The following MAP3K14 variants were observed in gnomAD, a reference collection of about 807,000 sequenced individuals.
MAP3K14 encodes mitogen-activated protein kinase kinase kinase 14.
A neutral mutation model predicts 99.2 loss-of-function variants in MAP3K14; 16 were observed. The ratio of observed to expected loss-of-function variants is 0.16; its 90% CI spans 0.11 to 0.24. The LOEUF (loss-of-function observed/expected upper bound fraction) is 0.24. MAP3K14 is among the 10% of genes least tolerant of loss of function. MAP3K14 has a pLI of 1.00. For synonymous variants in MAP3K14, 462 were observed against 492.4 expected (o/e 0.94, Z 0.82); for missense variants, 784 against 1,208.7 (o/e 0.65, Z 5.21).
At chr17:45,310,027 C>CTTTTT (rs59117060) in intron 1 of MAP3K14, among the ~76,000 whole-genome samples, 12 of 98,842 alleles carry the variant, frequency 1.2e-4, no homozygotes, top group South Asian at 3.4e-4. Context: ...AGGAGTCCAT[C>CTTTTT]TTTTTTTTTT....
Position 45,274,453 on chromosome 17 carries a change from T to C in MAP3K14, c.1420+11A>G. ...CTGAATTTGGAGAAAGAGTGGGACCTGGCTCCTTACCTTCCAGCAGCTCCA... is the reference window on the plus strand; with the variant it reads ...CTGAATTTGGAGAAAGAGTGGGACCCGGCTCCTTACCTTCCAGCAGCTCCA... On this transcript the variant is annotated intron_variant, in intron 7 of 15. Coordinates refer to ENST00000344686, the MANE Select transcript of MAP3K14 (RefSeq NM_003954.5). 5 of 1,613,398 alleles carry C rather than the reference T, an allele frequency of 3.1e-6. No homozygotes were observed. The highest frequency in any genetic ancestry group is 4.2e-6 in the Non-Finnish European group (5 of 1,179,652).
rs2044041338 is a variant in MAP3K14, at chr17:45,263,757, GCTTTC to G, written c.*874_*878del. On this transcript the variant is annotated 3_prime_UTR_variant, in exon 16 of 16. Coordinates refer to ENST00000344686, the MANE Select transcript of MAP3K14 (RefSeq NM_003954.5). ...GGGCGCCGGAGCGTCTCTCTCTGCTGCTTTCCTTAGCACTGATCATGTCCATCCAC... is the reference window on the plus strand; with the variant it reads ...GGGCGCCGGAGCGTCTCTCTCTGCTGCTTAGCACTGATCATGTCCATCCAC... 1 of 152,636 alleles carries G rather than the reference GCTTTC, an allele frequency of 6.6e-6. No individual in the cohort carries two copies. The highest frequency in any genetic ancestry group is 6.5e-5 in the Admixed American group (1 of 15,296). The allele number at this position is 152,636 out of a possible 1,614,324, so 9.5% of individuals were successfully genotyped here.
chr17:45,287,364 G>T lies in MAP3K14; in HGVS notation c.327C>A (p.Ser109Arg). 6.2e-7 allele frequency: 1 copy of T among 1,613,772 alleles called. No homozygotes were observed. The highest frequency in any genetic ancestry group is 8.5e-7 in the Non-Finnish European group (1 of 1,179,720). Residue 109 changes from serine to arginine, a missense_variant and splice_region_variant, in exon 4 of 16, where the codon AGC becomes AGA. Transcript: ENST00000344686. ...RIFIAGSKQY[S>R]QSESLDQIPN... ...GGATCTGATCAAGACTCTCGGACTG[G>T]CTGTCACAAAAGGGACAGATTTGCA...
intron 6 of MAP3K14, among the ~76,000 whole-genome samples, chr17:45,276,823 C>CTT (rs35012373): frequency 0.1 from 6,324 of 62,270 alleles, 514 homozygotes; most frequent in African/African-American, 0.18. Flanking sequence ...TCTTAGACTT[C>CTT]TTTTTTTTTT....
At chr17:45,280,997 G>A (rs769323062) in intron 6 of MAP3K14, among the ~76,000 whole-genome samples, 26 of 152,122 alleles carry the variant, frequency 1.7e-4, no homozygotes, top group Non-Finnish European at 3.2e-4. Context: ...CTACATGGCC[G>A]TTAAAAAGCA....
At position 45,264,647 on chromosome 17, in the gene MAP3K14, T is replaced by C; in HGVS notation, c.2833A>G (p.Asn945Asp). The C allele has an allele frequency of 2.5e-6, 4 of 1,582,624 alleles. No homozygotes were observed. Among genetic ancestry groups the C allele is most frequent in the Non-Finnish European group, 3.4e-6 (4 of 1,165,022 alleles). Reference sequence around the variant, plus strand: ...GGTGGAGGGCAGGGTTAGGGCCTGTTCTCCAGCTGGCCATGCTTGACCCTC... The same window carrying C: ...GGTGGAGGGCAGGGTTAGGGCCTGTCCTCCAGCTGGCCATGCTTGACCCTC... ...SWRVKHGQLE[N>D]RP The change falls in exon 16 of 16, where the codon AAC (asparagine) becomes GAC (aspartate). Residue 945 changes from asparagine to aspartate, a missense_variant. By Grantham distance (23) the Asn-to-Asp change is conservative. This residue lies in a region of MAP3K14 where 130 missense variants were observed against 220.4 expected (regional missense o/e 0.59). Transcript: ENST00000344686.
rs558443524 is a variant in MAP3K14, at chr17:45,314,840, T to C, written c.-21+2120A>G. ...GTTAGGAAAGCCCATGTGCTGTCCA[T>C]TGAGACAGGAAAAAAAATAGGAAGT... On this transcript the variant is annotated intron_variant, in intron 1 of 15. Transcript: ENST00000344686. Among the ~76,000 whole-genome samples, 17 of 152,174 alleles carry C rather than the reference T, an allele frequency of 1.1e-4. No individual in the cohort carries two copies. In the South Asian group the frequency reaches 1.5e-3, roughly 13 times the overall value.
rs2044146201 is a variant in MAP3K14, at chr17:45,272,006, T to A, written c.1658-785A>T. Among the ~76,000 whole-genome samples the A allele has an allele frequency of 6.6e-6, 1 of 152,178 alleles. No individual in the cohort carries two copies. Among genetic ancestry groups the A allele is most frequent in the African/African-American group, 2.4e-5 (1 of 41,450 alleles). ...GGTGATTTGTATTTGTAATTTTTGC[T>A]TAGCTCTACTTTCTTCAACAGATAT... On this transcript the variant is annotated intron_variant, in intron 9 of 15. Transcript: ENST00000344686. This position sits in a 1 kb window ranked among gnomAD's most constrained non-coding sequence, Gnocchi z 4.1.
chr17:45,283,336 T>C (rs946848736), intron 6 of MAP3K14, among the ~76,000 whole-genome samples: 7 of 152,306 alleles, frequency 4.6e-5, no homozygotes, highest in Middle Eastern at 3.4e-3. Context: ...AAGACGATGA[T>C]CCACACTGGC....
intron 1 of MAP3K14, among the ~76,000 whole-genome samples, chr17:45,305,412 T>TG (rs991515628): frequency 1.3e-5 from 2 of 150,550 alleles, no homozygotes; most frequent in African/African-American, 4.9e-5. Flanking sequence ...TTTTTTTTTT[T>TG]TGTGAGACAG....
At chr17:45,265,334 G>C (rs569469416) in intron 14 of MAP3K14, 71 bp from the exon 15 acceptor site, 2 of 1,010,418 alleles carry the variant, frequency 2.0e-6, no homozygotes, top group Admixed American at 1.7e-5. Context: ...CCTGGCAGGG[G>C]CTGGGGGAAC....
chr17:45,289,132 G>T, intron 3 of MAP3K14, 104 bp downstream of exon 3: 1 of 939,602 alleles, frequency 1.1e-6, no homozygotes, highest in Non-Finnish European at 1.7e-6. Context: ...CAGGTGCTGA[G>T]GGAGGGAGCC....
In MAP3K14 at chr17:45,287,136, G is replaced by T. The variant is rs1447883495; in HGVS notation, c.537+18C>A. On this transcript the variant is annotated intron_variant, in intron 4 of 15. Coordinates refer to ENST00000344686, the MANE Select transcript of MAP3K14 (RefSeq NM_003954.5). ...GCCCCATGAACCTGGGGTCTGGGCA[G>T]TGGGTGGAGGGTCTCACCTGCACTG... is the stretch of plus-strand genomic sequence containing the variant. 1 of 1,609,492 alleles carries T rather than the reference G, an allele frequency of 6.2e-7. No individual in the cohort carries two copies. Among genetic ancestry groups the T allele is most frequent in the African/African-American group, 1.3e-5 (1 of 74,784 alleles).
intron 1 of MAP3K14, among the ~76,000 whole-genome samples, chr17:45,295,080 A>G (rs1487577353): frequency 2.0e-5 from 3 of 152,242 alleles, no homozygotes; most frequent in African/African-American, 4.8e-5. Context: ...GGAAGATACA[A>G]AAACAATGTT....
Position 45,289,321 on chromosome 17 carries a change from T to G in MAP3K14, c.257-16A>C, listed in dbSNP as rs766753827. The G allele has an allele frequency of 1.2e-6, 2 of 1,610,410 alleles. No individual in the cohort carries two copies. Among genetic ancestry groups the G allele is most frequent in the East Asian group, 2.2e-5 (1 of 44,846 alleles). On this transcript the variant is annotated splice_polypyrimidine_tract_variant and intron_variant, in intron 2 of 15. Coordinates refer to ENST00000344686, the MANE Select transcript of MAP3K14 (RefSeq NM_003954.5). ...CTATTCTCACCTAAAGCAAAAGGAG[T>G]TGGATTAGCAGAGAGGAGAAAAAAT...
At chr17:45,303,880 C>T (rs1183045441) in intron 1 of MAP3K14, among the ~76,000 whole-genome samples, 2 of 151,772 alleles carry the variant, frequency 1.3e-5, no homozygotes, top group East Asian at 3.9e-4. Context: ...CCGTGCCTGG[C>T]CTAGTTTGGG....
chr17:45,271,634 C>T (rs917988223), intron 9 of MAP3K14, among the ~76,000 whole-genome samples: 1 of 152,262 alleles, frequency 6.6e-6, no homozygotes. Context: ...GCATGAGCCA[C>T]TGTGCCCGGA....
intron 1 of MAP3K14, among the ~76,000 whole-genome samples, 151 bp downstream of exon 1, chr17:45,316,809 G>C (rs1010163755): frequency 6.6e-6 from 1 of 151,894 alleles, no homozygotes; most frequent in South Asian, 2.1e-4. Flanking sequence ...GGTTGGACGG[G>C]GTACGTCGGA....
intron 6 of MAP3K14, among the ~76,000 whole-genome samples, chr17:45,280,389 C>T (rs1338801775): frequency 6.7e-6 from 1 of 149,750 alleles, no homozygotes. Context: ...CCGCAACCTC[C>T]GCCTCCTGGG....
Sources: allele counts gnomAD v4.1 joint callset (sites outside exome capture counted in the v4.1 genomes callset), GRCh38; gene constraint gnomAD v4.1.1; regional missense constraint gnomAD v4.1.1; non-coding constraint Gnocchi (gnomAD v3.1); transcripts MANE v1.5; gene names NCBI Gene and HGNC (gene_info 2026-07-23, HGNC 2026-07-21).